C12orf42: variants seen among roughly 807,000 people sequenced by gnomAD.
The protein encoded by C12orf42 is chromosome 12 open reading frame 42, also known as uncharacterized protein C12orf42.
A neutral mutation model predicts 21.6 loss-of-function variants in C12orf42; 25 were observed. That is an observed-to-expected ratio of 1.16 (90% CI 0.84 to 1.62). The LOEUF is 1.62. Ranked by LOEUF, C12orf42 falls within the 40% of genes most tolerant of loss-of-function variation. C12orf42 has a pLI of 0.00. For synonymous variants in C12orf42, 174 were observed against 175.0 expected (o/e 0.99, Z 0.05); for missense variants, 483 against 459.3 (o/e 1.05, Z -0.47).
chr12:103,076,419 T>C, the C12orf42 span, among the ~76,000 whole-genome samples: 1 of 152,040 alleles, frequency 6.6e-6, no homozygotes, highest in Admixed American at 6.6e-5. Context: ...CACCATCATG[T>C]TGGCCAGTCA....
chr12:103,142,028 T>C, the C12orf42 span, among the ~76,000 whole-genome samples: 1 of 152,154 alleles, frequency 6.6e-6, no homozygotes, highest in African/African-American at 2.4e-5. Flanking sequence ...ACTAAAAACA[T>C]CCTAGACATT....
rs2040131640 is a variant in C12orf42 at position 103,321,589 on chromosome 12, A to G, written c.260-15244T>C. On this transcript the variant is annotated intron_variant, in intron 4 of 5. Transcript: ENST00000548883. ...ACGTATGTTTATTGCGGCACTATTC[A>G]CAATAGCAAAGACTTGGAACCAACC... is the stretch of plus-strand genomic sequence containing the variant. 2.1e-5 allele frequency among the ~76,000 whole-genome samples: 3 copies of G among 143,664 alleles called. No homozygotes were observed. In the Admixed American group the frequency reaches 2.1e-4, roughly 10 times the overall value. 94.2% of individuals were successfully genotyped at this position (143,664 alleles called of 152,430 possible). A position where few individuals can be genotyped will look rare whatever the true frequency, so the allele number is the denominator to read the frequency against.
At chr12:103,421,263 A>G (rs2139123494) in intron 2 of C12orf42, among the ~76,000 whole-genome samples, 1 of 152,284 alleles carries the variant, frequency 6.6e-6, no homozygotes, top group African/African-American at 2.4e-5. Context: ...GTAAAACCAA[A>G]TAAATATAAA....
chr12:103,507,222 A>AT, the C12orf42 span, among the ~76,000 whole-genome samples: 5 of 36,948 alleles, frequency 1.4e-4, no homozygotes, highest in African/African-American at 1.1e-3. Flanking sequence ...ATAATATATA[A>AT]ATATAAATAT....
the C12orf42 span, among the ~76,000 whole-genome samples, chr12:103,523,373 G>A: frequency 1.3e-5 from 2 of 151,772 alleles, no homozygotes; most frequent in Admixed American, 6.6e-5. Context: ...ATAGCTTTTG[G>A]CCATTATATG....
chr12:103,317,449 T>C (rs1321351591), intron 4 of C12orf42, among the ~76,000 whole-genome samples: 2 of 152,148 alleles, frequency 1.3e-5, no homozygotes, highest in African/African-American at 4.8e-5. Context: ...TCACAGAAAA[T>C]CTCCAGCCCA....
intron 10 of C12orf42, among the ~76,000 whole-genome samples, chr12:103,255,997 G>A (rs1439080572): frequency 4.4e-5 from 6 of 136,940 alleles, no homozygotes; most frequent in East Asian, 2.2e-4. Flanking sequence ...AGCTTGCAGC[G>A]AGCCAAGATC....
At chr12:103,071,758 A>C in the C12orf42 span, among the ~76,000 whole-genome samples, 1 of 152,152 alleles carries the variant, frequency 6.6e-6, no homozygotes, top group Non-Finnish European at 1.5e-5. Flanking sequence ...ACTGTGAGTC[A>C]ATTAAACCAC....
chr12:103,451,217 TTTTA>T (rs1204078807), intron 2 of C12orf42, among the ~76,000 whole-genome samples: 7 of 151,964 alleles, frequency 4.6e-5, no homozygotes, highest in African/African-American at 1.7e-4. Context: ...TTTTCTTTCA[TTTTA>T]TTTATTTATT....
chr12:103,064,879 A>G, the C12orf42 span, among the ~76,000 whole-genome samples: 1 of 152,166 alleles, frequency 6.6e-6, no homozygotes, highest in Non-Finnish European at 1.5e-5. Context: ...TAATTAATGG[A>G]GTTTTAGCTC....
the C12orf42 span, among the ~76,000 whole-genome samples, chr12:103,054,338 G>A: frequency 5.7e-4 from 86 of 151,918 alleles, no homozygotes; most frequent in African/African-American, 2.0e-3. Flanking sequence ...AATATTTTGA[G>A]TGATTATAAA....
the C12orf42 span, among the ~76,000 whole-genome samples, chr12:103,176,137 C>T: frequency 5.9e-5 from 9 of 152,154 alleles, no homozygotes; most frequent in Non-Finnish European, 1.3e-4. Context: ...AATTGCTTAC[C>T]GGCTAATTGT....
intron 2 of C12orf42, among the ~76,000 whole-genome samples, chr12:103,458,960 A>AG (rs1489505097): frequency 6.6e-6 from 1 of 152,042 alleles, no homozygotes; most frequent in East Asian, 1.9e-4. Flanking sequence ...TGTGCAAAAA[A>AG]AAAAACGTAT....
chr12:103,371,515 G>A (rs2045233492), intron 3 of C12orf42, among the ~76,000 whole-genome samples: 1 of 152,072 alleles, frequency 6.6e-6, no homozygotes. Context: ...GCTTGATATT[G>A]AGTAAAGTCT....
At chr12:103,295,597 A>C (rs2037213315) in intron 4 of C12orf42, among the ~76,000 whole-genome samples, 1 of 152,206 alleles carries the variant, frequency 6.6e-6, no homozygotes. Flanking sequence ...GATATAGTGT[A>C]TAAAAACTTC....
At chr12:103,151,056 T>C in the C12orf42 span, among the ~76,000 whole-genome samples, 1 of 152,080 alleles carries the variant, frequency 6.6e-6, no homozygotes, top group African/African-American at 2.4e-5. Flanking sequence ...GCACCCTGAG[T>C]AGCTGGGATT....
chr12:103,426,506 G>A (rs1949821063), intron 2 of C12orf42, among the ~76,000 whole-genome samples: 1 of 152,162 alleles, frequency 6.6e-6, no homozygotes, highest in African/African-American at 2.4e-5. Context: ...GAAAGTGATG[G>A]GGGAGAATGG....
chr12:103,530,355 A>T, the C12orf42 span, among the ~76,000 whole-genome samples: 176 of 152,312 alleles, frequency 1.2e-3, no homozygotes, highest in African/African-American at 4.0e-3. Flanking sequence ...TTGGGGGCCA[A>T]GGCGTGCTGG....
At chr12:103,408,465 C>G (rs2048588611) in intron 2 of C12orf42, among the ~76,000 whole-genome samples, 1 of 152,138 alleles carries the variant, frequency 6.6e-6, no homozygotes. Context: ...TAATTCTAAT[C>G]TTCTCTTCAA....
Sources: gnomAD v4.1 joint callset for allele counts (sites outside exome capture counted in the v4.1 genomes callset) on GRCh38, gnomAD v4.1.1 for gene constraint, MANE v1.5 for transcripts, NCBI Gene and HGNC (gene_info 2026-07-23, HGNC 2026-07-21) for gene names.